Variants in DLG2 observed in about 807,000 individuals in gnomAD.
DLG2 encodes disks large homolog 2.
A neutral mutation model predicts 132.5 loss-of-function variants in DLG2; 45 were observed. The observed-to-expected ratio is 0.34, with a 90% CI of 0.27 to 0.44. DLG2 has a LOEUF of 0.44. Ranked by LOEUF, DLG2 falls within the 20% of genes least tolerant of loss-of-function variation. The pLI, the probability that DLG2 is intolerant of heterozygous loss-of-function variation, is 1.00. For synonymous variants in DLG2, 424 were observed against 419.6 expected (o/e 1.01, Z -0.13); for missense variants, 1,045 against 1,196.9 (o/e 0.87, Z 1.87).
intron 18 of DLG2, among the ~76,000 whole-genome samples, chr11:83,737,448 T>C (rs967833008): frequency 2.0e-5 from 3 of 152,240 alleles, no homozygotes; most frequent in African/African-American, 7.2e-5. Flanking sequence ...ATTAATGGCA[T>C]ACATTTTCAT....
Position 84,513,551 on chromosome 11 carries a change from A to AT in DLG2, c.519+21018dup, listed in dbSNP as rs574951636. 1.6e-3 allele frequency among the ~76,000 whole-genome samples: 236 copies of AT among 152,194 alleles called. 2 individuals carry two copies. The highest frequency in any genetic ancestry group is 5.3e-3 in the African/African-American group (221 of 41,542). On this transcript the variant is annotated intron_variant, in intron 7 of 27. Transcript: ENST00000376104. ...AAATCCACACATATACAGTAAACTC[A>AT]TTTTTGACAAAGGTGCCAAGAACAT...
intron 3 of DLG2, among the ~76,000 whole-genome samples, chr11:85,489,199 A>C (rs1460622939): frequency 6.6e-6 from 1 of 152,210 alleles, no homozygotes; most frequent in Non-Finnish European, 1.5e-5. Flanking sequence ...AGAAAGAAAC[A>C]CATAGACTAA....
chr11:85,296,169 A>G lies in DLG2; in HGVS notation c.41-10804T>C, dbSNP rs555120650. On this transcript the variant is annotated intron_variant, in intron 3 of 27. Coordinates refer to ENST00000376104, the MANE Select transcript of DLG2 (RefSeq NM_001142699.3). ...GAAAAAGATGGCAAAACAGCTATGA[A>G]ATAATAGACTTTGGAGGAATCTTTG... 5.3e-5 allele frequency among the ~76,000 whole-genome samples: 8 copies of G among 152,334 alleles called. No individual in the cohort carries two copies. The East Asian group carries it at 1.5e-3, about 29-fold the overall frequency.
At chr11:84,053,337 G>A (rs1241835961) in intron 11 of DLG2, among the ~76,000 whole-genome samples, 1 of 151,902 alleles carries the variant, frequency 6.6e-6, no homozygotes, top group Non-Finnish European at 1.5e-5. Flanking sequence ...TTAATACCTA[G>A]GTGATGGGAT....
At position 85,533,458 on chromosome 11, in the gene DLG2, C is replaced by CATATATAT. The variant is rs34379979; in HGVS notation, c.40+65191_40+65198dup. On this transcript the variant is annotated intron_variant, in intron 3 of 27. Coordinates refer to ENST00000376104, the MANE Select transcript of DLG2 (RefSeq NM_001142699.3). The stretch of plus-strand genomic sequence containing the variant: ...GAAATACATATATATACATAAAATA[C>CATATATAT]ATATATATATATATATATAATTCTT... Among the ~76,000 whole-genome samples the CATATATAT allele has an allele frequency of 7.2e-4, 102 of 142,140 alleles. 3 individuals are homozygous for CATATATAT. Among genetic ancestry groups the CATATATAT allele is most frequent in the African/African-American group, 2.3e-3 (90 of 39,376 alleles). 93.2% of individuals were successfully genotyped at this position (142,140 alleles called of 152,430 possible).
At chr11:84,490,189 G>C (rs2099161180) in intron 7 of DLG2, among the ~76,000 whole-genome samples, 1 of 152,192 alleles carries the variant, frequency 6.6e-6, no homozygotes, top group Non-Finnish European at 1.5e-5. Context: ...CTGTAAAATG[G>C]AAATAATAGC....
At chr11:84,303,688 C>T (rs917133413) in intron 7 of DLG2, among the ~76,000 whole-genome samples, 10 of 152,146 alleles carry the variant, frequency 6.6e-5, no homozygotes, top group African/African-American at 2.4e-4. Flanking sequence ...ACCAATGATT[C>T]CAATATTTCA....
chr11:84,792,258 G>A (rs10898296), intron 6 of DLG2, among the ~76,000 whole-genome samples: 65,305 of 151,928 alleles, frequency 0.43, 14,990 homozygotes, highest in African/African-American at 0.55. Flanking sequence ...ATGTTGAAAC[G>A]TCCTTGTGTC....
chr11:84,941,509 T>G (rs554795640), intron 6 of DLG2, among the ~76,000 whole-genome samples: 1 of 152,268 alleles, frequency 6.6e-6, no homozygotes, highest in South Asian at 2.1e-4. Context: ...CTTCATTCAA[T>G]TGATTTGATG....
At chr11:85,490,169 C>A (rs1198697223) in intron 3 of DLG2, among the ~76,000 whole-genome samples, 1 of 151,944 alleles carries the variant, frequency 6.6e-6, no homozygotes, top group Non-Finnish European at 1.5e-5. Flanking sequence ...GCCTGGGTGA[C>A]AGAATAAAAT....
chr11:83,734,012 A>G (rs951986210), intron 18 of DLG2, among the ~76,000 whole-genome samples: 1 of 151,854 alleles, frequency 6.6e-6, no homozygotes, highest in Non-Finnish European at 1.5e-5. Context: ...ATCAGTGAGA[A>G]CATGTGGTAG....
chr11:85,035,308 C>T (rs983188015), intron 6 of DLG2, among the ~76,000 whole-genome samples: 21 of 152,238 alleles, frequency 1.4e-4, no homozygotes, highest in African/African-American at 5.1e-4. Context: ...TGAAAAATGG[C>T]ACTGTATTTA....
At chr11:83,666,006 T>C (rs1174882743) in intron 18 of DLG2, among the ~76,000 whole-genome samples, 1 of 152,138 alleles carries the variant, frequency 6.6e-6, no homozygotes, top group Non-Finnish European at 1.5e-5. Context: ...TGATTTTTTT[T>C]TACAAACATG....
intron 17 of DLG2, among the ~76,000 whole-genome samples, chr11:83,833,398 A>G (rs2055151563): frequency 6.6e-6 from 1 of 152,216 alleles, no homozygotes; most frequent in Non-Finnish European, 1.5e-5. Flanking sequence ...AGATCCTGCC[A>G]CTGCACTCCA....
At chr11:85,354,768 C>T (rs926257509) in intron 3 of DLG2, among the ~76,000 whole-genome samples, 19 of 152,056 alleles carry the variant, frequency 1.2e-4, no homozygotes, top group African/African-American at 3.9e-4. Flanking sequence ...CACACATACA[C>T]GCATGTGCAC....
At chr11:83,796,413 T>C (rs2153924605) in intron 17 of DLG2, among the ~76,000 whole-genome samples, 1 of 152,348 alleles carries the variant, frequency 6.6e-6, no homozygotes, top group Admixed American at 6.5e-5. Context: ...TTCTTCTATA[T>C]GATCCTAATA....
intron 6 of DLG2, among the ~76,000 whole-genome samples, chr11:84,743,377 T>C (rs530014185): frequency 1.2e-4 from 19 of 152,250 alleles, no homozygotes; most frequent in African/African-American, 4.3e-4. Flanking sequence ...ATACCAACCA[T>C]CTTTAGTAAG....
At chr11:84,651,544 C>G (rs2099682090) in intron 6 of DLG2, among the ~76,000 whole-genome samples, 1 of 152,128 alleles carries the variant, frequency 6.6e-6, no homozygotes, top group African/African-American at 2.4e-5. Context: ...AAGGTCACTC[C>G]TCTTCTGTCT....
At chr11:85,551,944 T>G (rs555420665) in intron 3 of DLG2, among the ~76,000 whole-genome samples, 55 of 151,902 alleles carry the variant, frequency 3.6e-4, no homozygotes, top group Non-Finnish European at 6.6e-4. Context: ...AAGAATTCAG[T>G]GGGAAAAGAG....
Sources: gnomAD v4.1 joint callset for allele counts (sites outside exome capture counted in the v4.1 genomes callset) on GRCh38, gnomAD v4.1.1 for gene constraint, MANE v1.5 for transcripts, NCBI Gene and HGNC (gene_info 2026-07-23, HGNC 2026-07-21) for gene names.